Variants in CDH18 observed in about 807,000 individuals in gnomAD.
CDH18 encodes the protein cadherin-18.
A neutral mutation model predicts 67.9 loss-of-function variants in CDH18; 31 were observed. The observed-to-expected ratio is 0.46, with a 90% confidence interval of 0.34 to 0.62. CDH18 has a LOEUF of 0.62. CDH18 is among the 20% of genes least tolerant of loss of function. CDH18 has a pLI of 0.01. For missense variants in CDH18, 890 were observed against 975.5 expected, an observed-to-expected ratio of 0.91 and a Z score of 1.17; for synonymous variants, 362 against 347.2, an observed-to-expected ratio of 1.04 and a Z score of -0.48.
At chr5:20,085,710 G>A (rs1013849850) in intron 2 of CDH18, among the ~76,000 whole-genome samples, 3 of 152,082 alleles carry the variant, frequency 2.0e-5, no homozygotes, top group African/African-American at 7.2e-5. Context: ...ATGCCAGCAG[G>A]CAAGAGAACT....
chr5:20,176,231 A>G (rs1737223511), intron 2 of CDH18, among the ~76,000 whole-genome samples: 1 of 152,170 alleles, frequency 6.6e-6, no homozygotes, highest in Non-Finnish European at 1.5e-5. Context: ...GGTTAGAACA[A>G]CTGTGCTAAG....
chr5:20,228,280 AGTACTAT>A (rs1275112462), intron 2 of CDH18, among the ~76,000 whole-genome samples: 1 of 152,004 alleles, frequency 6.6e-6, no homozygotes, highest in African/African-American at 2.4e-5. Context: ...TCAAGCTAGA[AGTACTAT>A]AAGTTTAGGG....
intron 1 of CDH18, among the ~76,000 whole-genome samples, chr5:20,522,459 T>C (rs889804424): frequency 6.6e-6 from 1 of 152,234 alleles, no homozygotes; most frequent in African/African-American, 2.4e-5. Flanking sequence ...TTATGTGTAA[T>C]ATCTCTAATT....
intron 9 of CDH18, among the ~76,000 whole-genome samples, chr5:19,528,194 T>G (rs1748043276): frequency 6.6e-6 from 1 of 151,842 alleles, no homozygotes; most frequent in Non-Finnish European, 1.5e-5. Context: ...AGTTTTAACA[T>G]GTTTTTTCTA....
In CDH18 at chr5:20,426,035, C is replaced by T. The variant is rs1560990290; in HGVS notation, c.-580+149427G>A. Among the ~76,000 whole-genome samples, 2 of 151,058 alleles carry T rather than the reference C, an allele frequency of 1.3e-5. 1 individual carries two copies. The highest frequency in any genetic ancestry group is 4.9e-5 in the African/African-American group (2 of 40,432). Reference sequence around the variant, plus strand: ...GATTTTTTAAATCAATACCAATGTGCTAACAATAATTTTCATCAAATATTA... The same window carrying T: ...GATTTTTTAAATCAATACCAATGTGTTAACAATAATTTTCATCAAATATTA... On this transcript the variant is annotated intron_variant, in intron 1 of 14. Coordinates refer to the CDH18 transcript ENST00000507958.
At chr5:19,750,855 A>C (rs1224649702) in intron 3 of CDH18, among the ~76,000 whole-genome samples, 1 of 147,650 alleles carries the variant, frequency 6.8e-6, no homozygotes, top group East Asian at 2.1e-4. Flanking sequence ...TCTTAGAGCC[A>C]TGGGATTTTG....
intron 2 of CDH18, among the ~76,000 whole-genome samples, chr5:19,951,561 G>A (rs1350701077): frequency 6.6e-6 from 1 of 152,140 alleles, no homozygotes; most frequent in African/African-American, 2.4e-5. Context: ...CCTAAACAGA[G>A]TCAAGTAGGA....
chr5:20,419,462 G>GTTTTTTTTTTTTTTTTTTT (rs202130030), intron 1 of CDH18, among the ~76,000 whole-genome samples: 7 of 75,646 alleles, frequency 9.3e-5, no homozygotes, highest in African/African-American at 3.6e-4. Context: ...ATGGGACTCT[G>GTTTTTTTTTTTTTTTTTTT]TTTTTTTTTT....
intron 2 of CDH18, among the ~76,000 whole-genome samples, chr5:19,875,809 T>C (rs1786925765): frequency 6.6e-6 from 1 of 152,036 alleles, no homozygotes; most frequent in East Asian, 1.9e-4. Flanking sequence ...TATAGTTTAT[T>C]AATTGTCATT....
At chr5:20,042,887 G>T (rs1439940397) in intron 2 of CDH18, among the ~76,000 whole-genome samples, 1 of 151,464 alleles carries the variant, frequency 6.6e-6, no homozygotes, top group African/African-American at 2.4e-5. Flanking sequence ...GCGTGAACCC[G>T]GGAGGCAGAG....
chr5:19,841,653 A>G (rs905092361), intron 2 of CDH18, among the ~76,000 whole-genome samples: 7 of 151,564 alleles, frequency 4.6e-5, no homozygotes, highest in African/African-American at 1.7e-4. Flanking sequence ...TGTTATTTTA[A>G]TACTTTCACA....
intron 1 of CDH18, among the ~76,000 whole-genome samples, chr5:20,306,211 C>G (rs1220166385): frequency 1.3e-5 from 2 of 152,160 alleles, no homozygotes. Context: ...ATATAAATTA[C>G]TCTGTTTCAT....
At chr5:19,676,777 T>G (rs193211960) in intron 5 of CDH18, among the ~76,000 whole-genome samples, 228 of 152,040 alleles carry the variant, frequency 1.5e-3, no homozygotes, top group African/African-American at 5.2e-3. Context: ...ACACTGTGCA[T>G]GCAGGCAGCC....
chr5:19,807,163 C>CAAAA (rs1280003350), intron 3 of CDH18, among the ~76,000 whole-genome samples: 1 of 151,990 alleles, frequency 6.6e-6, no homozygotes, highest in Non-Finnish European at 1.5e-5. Flanking sequence ...ATATAGGGAC[C>CAAAA]TGTTGGGATT....
intron 2 of CDH18, among the ~76,000 whole-genome samples, chr5:19,843,019 T>C (rs1174318542): frequency 6.6e-6 from 1 of 152,202 alleles, no homozygotes; most frequent in Non-Finnish European, 1.5e-5. Flanking sequence ...GCATAAAAGT[T>C]TGGAAAATTT....
intron 1 of CDH18, among the ~76,000 whole-genome samples, chr5:20,320,811 A>T (rs1056240527): frequency 5.9e-5 from 9 of 152,110 alleles, no homozygotes; most frequent in African/African-American, 1.9e-4. Context: ...CCATGAGGGG[A>T]CTGATGGAGA....
At chr5:19,622,215 T>C (rs990199977) in intron 5 of CDH18, among the ~76,000 whole-genome samples, 1 of 152,152 alleles carries the variant, frequency 6.6e-6, no homozygotes, top group Non-Finnish European at 1.5e-5. Flanking sequence ...GGGAATTTCC[T>C]TCAAGAGATG....
At chr5:19,834,623 C>T (rs769503476) in intron 3 of CDH18, among the ~76,000 whole-genome samples, 9 of 151,782 alleles carry the variant, frequency 5.9e-5, no homozygotes, top group African/African-American at 1.2e-4. Flanking sequence ...GTTAAGGTGT[C>T]GATTTGAGAC....
intron 2 of CDH18, among the ~76,000 whole-genome samples, chr5:20,107,361 AC>A (rs1747048512): frequency 1.3e-5 from 2 of 152,208 alleles, no homozygotes; most frequent in African/African-American, 2.4e-5. Context: ...GGCGTGAGCC[AC>A]TGCACCCAGC....
Sources: allele counts gnomAD v4.1 joint callset (sites outside exome capture counted in the v4.1 genomes callset), GRCh38; gene constraint gnomAD v4.1.1; transcripts MANE v1.5; gene names NCBI Gene and HGNC (gene_info 2026-07-23, HGNC 2026-07-21).